The following PRICKLE1 variants were observed in gnomAD, a reference collection of about 807,000 sequenced individuals.
The protein encoded by PRICKLE1 is prickle-like protein 1.
In PRICKLE1, 14 loss-of-function variants were observed where a neutral mutation model predicts 70.2. That is an observed-to-expected ratio of 0.20 (90% CI 0.13 to 0.31). PRICKLE1 has a LOEUF of 0.31. PRICKLE1 is among the 10% of genes least tolerant of loss of function. PRICKLE1 has a pLI of 1.00. For missense variants in PRICKLE1, 821 were observed against 1,026.2 expected (o/e 0.80, Z 2.73); for synonymous variants, 357 against 379.9 (o/e 0.94, Z 0.70).
intron 1 of PRICKLE1, among the ~76,000 whole-genome samples, chr12:42,502,136 T>C (rs977664832): frequency 2.0e-5 from 3 of 151,878 alleles, no homozygotes; most frequent in Non-Finnish European, 4.4e-5. Flanking sequence ...CGGAGTACTT[T>C]ATAGGTATAT....
At chr12:42,572,049 T>C (rs1212412006) in intron 1 of PRICKLE1, among the ~76,000 whole-genome samples, 1 of 152,232 alleles carries the variant, frequency 6.6e-6, no homozygotes, top group Non-Finnish European at 1.5e-5. Flanking sequence ...TTGAAAGATA[T>C]ATAAACATTT....
intron 1 of PRICKLE1, among the ~76,000 whole-genome samples, chr12:42,536,314 C>T (rs1017382145): frequency 6.6e-6 from 1 of 152,158 alleles, no homozygotes; most frequent in Admixed American, 6.5e-5. Context: ...AGGGACACCA[C>T]AAAACAGGGC....
chr12:42,526,681 G>A (rs1939804488), intron 1 of PRICKLE1, among the ~76,000 whole-genome samples: 1 of 151,524 alleles, frequency 6.6e-6, no homozygotes, highest in Non-Finnish European at 1.5e-5. Flanking sequence ...AGCACAGTCA[G>A]GTCATGAGCA....
chr12:42,474,720 G>A (rs1174064147), intron 1 of PRICKLE1, among the ~76,000 whole-genome samples: 1 of 152,164 alleles, frequency 6.6e-6, no homozygotes, highest in Admixed American at 6.5e-5. Flanking sequence ...AATTTAATTA[G>A]TAACTCTAAA....
chr12:42,498,532 C>T (rs1939250623), intron 1 of PRICKLE1, among the ~76,000 whole-genome samples: 1 of 152,146 alleles, frequency 6.6e-6, no homozygotes, highest in Non-Finnish European at 1.5e-5. Flanking sequence ...CCTGTAATTC[C>T]AGCACTTTCA....
intron 1 of PRICKLE1, among the ~76,000 whole-genome samples, chr12:42,473,761 C>T (rs183077897): frequency 9.2e-4 from 140 of 151,894 alleles, no homozygotes; most frequent in Admixed American, 8.0e-3. Flanking sequence ...GTCACACATA[C>T]ACACTGACAT....
intron 1 of PRICKLE1, among the ~76,000 whole-genome samples, chr12:42,510,118 G>A (rs577227260): frequency 6.0e-5 from 9 of 151,226 alleles, no homozygotes; most frequent in African/African-American, 1.7e-4. Context: ...TTTTTGAGAC[G>A]GAGTCTCCCT....
chr12:42,477,512 ATATATATATATATATATATATG>A (rs1938613824), intron 1 of PRICKLE1, among the ~76,000 whole-genome samples: 1 of 24,982 alleles, frequency 4.0e-5, no homozygotes, highest in Non-Finnish European at 7.2e-5. Context: ...ATATATATAT[ATATATATATATATATATATATG>A]ACCTCACAAA....
intron 1 of PRICKLE1, among the ~76,000 whole-genome samples, chr12:42,479,844 C>T (rs2600937): frequency 0.16 from 23,916 of 151,906 alleles, 2,198 homozygotes; most frequent in African/African-American, 0.24. Flanking sequence ...AATCCCAGTA[C>T]TTGGGAGGCT....
chr12:42,545,456 G>T (rs925914639), intron 1 of PRICKLE1, among the ~76,000 whole-genome samples: 1 of 152,242 alleles, frequency 6.6e-6, no homozygotes, highest in East Asian at 1.9e-4. Flanking sequence ...TGGGCAGAAT[G>T]GAAGAGAAAT....
rs112283764 is a variant in PRICKLE1 at position 42,578,908 on chromosome 12, T to C, written c.-49+10557A>G. On this transcript the variant is annotated intron_variant, in intron 1 of 7. Coordinates refer to ENST00000345127, the MANE Select transcript of PRICKLE1 (RefSeq NM_153026.3). ...TTGCGAGTAGCTGGGATTACAGGCG[T>C]GCACAACCACGCCAGGCTAATTTTT... 4.2e-3 allele frequency among the ~76,000 whole-genome samples: 633 copies of C among 152,198 alleles called. 9 individuals carry two copies. In the South Asian group the frequency reaches 0.044, roughly 11 times the overall value.
intron 1 of PRICKLE1, among the ~76,000 whole-genome samples, chr12:42,539,665 A>T (rs1244244675): frequency 6.6e-6 from 1 of 152,190 alleles, no homozygotes; most frequent in African/African-American, 2.4e-5. Context: ...ACTATTTGTA[A>T]TCAGTTATTA....
intron 1 of PRICKLE1, among the ~76,000 whole-genome samples, chr12:42,492,317 T>C (rs1377159395): frequency 6.6e-6 from 1 of 152,194 alleles, no homozygotes; most frequent in East Asian, 1.9e-4. Flanking sequence ...AACTATGTGC[T>C]CAAAACTATT....
intron 1 of PRICKLE1, among the ~76,000 whole-genome samples, chr12:42,588,031 G>C (rs1475629152): frequency 6.6e-6 from 1 of 152,008 alleles, no homozygotes; most frequent in Non-Finnish European, 1.5e-5. Flanking sequence ...AGGGGCTAGA[G>C]TCCACTCCTG....
At chr12:42,579,578 A>G (rs1940863850) in intron 1 of PRICKLE1, among the ~76,000 whole-genome samples, 1 of 152,192 alleles carries the variant, frequency 6.6e-6, no homozygotes, top group African/African-American at 2.4e-5. Flanking sequence ...CAGGTAGATA[A>G]TTCAGGTAGA....
chr12:42,468,543 G>C, intron 5 of PRICKLE1, 83 bp downstream of exon 5: 3 of 1,227,368 alleles, frequency 2.4e-6, no homozygotes, highest in South Asian at 2.5e-5. Context: ...GGAAATTTTA[G>C]TATTTTGCTT....
chr12:42,520,236 G>C (rs1340720206), intron 1 of PRICKLE1, among the ~76,000 whole-genome samples: 1 of 152,222 alleles, frequency 6.6e-6, no homozygotes, highest in African/African-American at 2.4e-5. Flanking sequence ...CTGGAGAACA[G>C]GTGAGTCCCT....
chr12:42,568,221 C>T (rs926502211), intron 1 of PRICKLE1, among the ~76,000 whole-genome samples: 1 of 152,218 alleles, frequency 6.6e-6, no homozygotes, highest in Non-Finnish European at 1.5e-5. Flanking sequence ...ATTGCCCAGG[C>T]TGGAGCACAG....
At chr12:42,520,324 G>A (rs1289971017) in intron 1 of PRICKLE1, among the ~76,000 whole-genome samples, 1 of 152,206 alleles carries the variant, frequency 6.6e-6, no homozygotes, top group Non-Finnish European at 1.5e-5. Context: ...TAAGACCGTG[G>A]TGGTCAATGC....
Sources: gnomAD v4.1 joint callset for allele counts (sites outside exome capture counted in the v4.1 genomes callset) on GRCh38, gnomAD v4.1.1 for gene constraint, MANE v1.5 for transcripts, NCBI Gene and HGNC (gene_info 2026-07-23, HGNC 2026-07-21) for gene names.